The following UST variants were observed in gnomAD, a reference collection of about 807,000 sequenced individuals.
UST encodes chondroitin sulfate 2-O-sulfotransferase.
In UST, 21 loss-of-function variants were observed where a neutral mutation model predicts 45.6. The observed-to-expected ratio is 0.46, with a 90% CI of 0.33 to 0.66. UST has a LOEUF of 0.66. Ranked by LOEUF, UST falls within the 30% of genes least tolerant of loss-of-function variation. UST has a pLI of 0.02. For missense variants in UST, 463 were observed against 512.4 expected (o/e 0.90, Z 0.93); for synonymous variants, 215 against 200.6 (o/e 1.07, Z -0.61).
chr6:148,888,470 A>G (rs575255733), intron 2 of UST, among the ~76,000 whole-genome samples: 18 of 152,364 alleles, frequency 1.2e-4, no homozygotes, highest in African/African-American at 4.3e-4. Context: ...TCTGGATTCA[A>G]CACTGACGCT....
intron 5 of UST, among the ~76,000 whole-genome samples, chr6:148,989,493 A>G (rs1180703375): frequency 6.6e-6 from 1 of 152,222 alleles, no homozygotes; most frequent in Non-Finnish European, 1.5e-5. Context: ...CCAAAATAAA[A>G]GGAAAGCAAG....
At chr6:148,990,024 G>A (rs1781317482) in intron 5 of UST, among the ~76,000 whole-genome samples, 1 of 152,114 alleles carries the variant, frequency 6.6e-6, no homozygotes, top group Non-Finnish European at 1.5e-5. Flanking sequence ...AGCGTTTAGG[G>A]GAAGAAAGTT....
chr6:148,859,827 G>A (rs1312313074), intron 1 of UST, among the ~76,000 whole-genome samples: 1 of 152,058 alleles, frequency 6.6e-6, no homozygotes, highest in Non-Finnish European at 1.5e-5. Flanking sequence ...TATTTCTGAG[G>A]GCTCTGTTCT....
intron 2 of UST, among the ~76,000 whole-genome samples, chr6:148,892,957 C>CT (rs1172414859): frequency 1.3e-5 from 2 of 151,874 alleles, no homozygotes; most frequent in Non-Finnish European, 2.9e-5. Flanking sequence ...TATTCTCTTT[C>CT]TTTTTTTAAA....
chr6:149,061,554 T>A (rs1776655387), intron 7 of UST, among the ~76,000 whole-genome samples: 1 of 151,394 alleles, frequency 6.6e-6, no homozygotes, highest in Non-Finnish European at 1.5e-5. Context: ...AGCTAGTGTT[T>A]GTTTGGCAGG....
At chr6:149,041,654 C>T (rs1006790661) in intron 7 of UST, among the ~76,000 whole-genome samples, 5 of 152,168 alleles carry the variant, frequency 3.3e-5, no homozygotes, top group African/African-American at 9.7e-5. Context: ...GCCTCTTCAT[C>T]GCTTGTTCTC....
chr6:148,761,940 A>G (rs1456154216), intron 1 of UST, among the ~76,000 whole-genome samples: 21 of 152,212 alleles, frequency 1.4e-4, no homozygotes, highest in Admixed American at 1.4e-3. Context: ...AAATGGAGAA[A>G]CGATTCCAGA....
At position 149,074,061 on chromosome 6, in the gene UST, T is replaced by A. The variant is rs1776856423; in HGVS notation, c.1166T>A (p.Ile389Asn). Residue 389 changes from isoleucine to asparagine, a missense_variant, in exon 8 of 8, where the codon ATC becomes AAC. This residue lies in a region of UST where 287 missense variants were observed against 374.2 expected (regional missense o/e 0.77). Transcript: ENST00000367463. ...ACTCCACTGGAAACCGAGGAGCCAATCGACGATGAAGAACAGGATGATGAA... is the reference window on the plus strand; with the variant it reads ...ACTCCACTGGAAACCGAGGAGCCAAACGACGATGAAGAACAGGATGATGAA... ...IPTPLETEEP[I>N]DDEEQDDEKW... 6.2e-7 allele frequency: 1 copy of A among 1,614,070 alleles called. No homozygotes were observed. The highest frequency in any genetic ancestry group is 8.5e-7 in the Non-Finnish European group (1 of 1,180,040).
At chr6:148,969,361 A>G (rs889252319) in intron 5 of UST, among the ~76,000 whole-genome samples, 1 of 152,220 alleles carries the variant, frequency 6.6e-6, no homozygotes, top group African/African-American at 2.4e-5. Flanking sequence ...TTGGTCTTCA[A>G]CTAGTTCAAA....
intron 7 of UST, among the ~76,000 whole-genome samples, chr6:149,034,844 C>G (rs1191140568): frequency 5.0e-5 from 1 of 20,092 alleles, no homozygotes; most frequent in Non-Finnish European, 9.1e-5. Flanking sequence ...TTCTCTCTCT[C>G]TCTCTCTCTC....
At chr6:148,989,663 A>G (rs1412375947) in intron 5 of UST, among the ~76,000 whole-genome samples, 1 of 152,202 alleles carries the variant, frequency 6.6e-6, no homozygotes, top group Non-Finnish European at 1.5e-5. Context: ...TTGTTAAATT[A>G]AGGCAATCAC....
intron 5 of UST, among the ~76,000 whole-genome samples, chr6:148,976,312 G>A (rs1403740254): frequency 6.6e-6 from 1 of 152,170 alleles, no homozygotes; most frequent in Non-Finnish European, 1.5e-5. Flanking sequence ...AATTTCTGTG[G>A]TGTCAATACT....
At chr6:148,865,965 C>T (rs1778420845) in intron 1 of UST, among the ~76,000 whole-genome samples, 1 of 151,682 alleles carries the variant, frequency 6.6e-6, no homozygotes, top group South Asian at 2.1e-4. Flanking sequence ...TATGCACAGC[C>T]TTATGTGACA....
chr6:148,784,634 A>G (rs1306025190), intron 1 of UST, among the ~76,000 whole-genome samples: 1 of 152,256 alleles, frequency 6.6e-6, no homozygotes, highest in Non-Finnish European at 1.5e-5. Context: ...TTGGCTGTTT[A>G]TCTTGTGTAT....
intron 1 of UST, among the ~76,000 whole-genome samples, chr6:148,873,888 T>G (rs1778603065): frequency 6.6e-6 from 1 of 152,238 alleles, no homozygotes; most frequent in South Asian, 2.1e-4. Context: ...CAGGGTAAAT[T>G]CTTAGTCATC....
chr6:149,041,909 T>C (rs1011882695), intron 7 of UST, among the ~76,000 whole-genome samples: 1 of 152,156 alleles, frequency 6.6e-6, no homozygotes, highest in Non-Finnish European at 1.5e-5. Flanking sequence ...TCTAGAATGA[T>C]CTAGAATACA....
intron 1 of UST, among the ~76,000 whole-genome samples, chr6:148,847,748 T>C (rs983367500): frequency 1.3e-5 from 2 of 152,248 alleles, no homozygotes; most frequent in African/African-American, 2.4e-5. Context: ...ACTGTTCTAA[T>C]GAATAGTTTC....
chr6:149,060,592 T>G (rs1199907249), intron 7 of UST, among the ~76,000 whole-genome samples: 1 of 152,226 alleles, frequency 6.6e-6, no homozygotes, highest in African/African-American at 2.4e-5. Flanking sequence ...GCCAGCGTGG[T>G]GCAGGGCTGT....
intron 1 of UST, among the ~76,000 whole-genome samples, chr6:148,836,061 AT>A (rs1037218378): frequency 9.2e-5 from 14 of 151,994 alleles, no homozygotes; most frequent in African/African-American, 3.4e-4. Context: ...GGGGAGTTTC[AT>A]TTTTTGTTTA....
Sources: gnomAD v4.1 joint callset for allele counts (sites outside exome capture counted in the v4.1 genomes callset) on GRCh38, gnomAD v4.1.1 for gene constraint, gnomAD v4.1.1 regional missense constraint, MANE v1.5 for transcripts, NCBI Gene and HGNC (gene_info 2026-07-23, HGNC 2026-07-21) for gene names.